Variants in ASTN1 observed in about 807,000 individuals in gnomAD.
The protein encoded by ASTN1 is astrotactin 1.
A neutral mutation model predicts 140.7 loss-of-function variants in ASTN1; 41 were observed. The observed-to-expected ratio is 0.29, with a 90% CI of 0.23 to 0.38. The LOEUF is 0.38. Ranked by LOEUF, ASTN1 falls within the 10% of genes least tolerant of loss-of-function variation. The pLI, the probability that ASTN1 is intolerant of heterozygous loss-of-function variation, is 1.00. For missense variants in ASTN1, 1,479 were observed against 1,678.8 expected (o/e 0.88, Z 2.08); for synonymous variants, 640 against 652.2 (o/e 0.98, Z 0.29).
At chr1:177,088,274 C>T (rs1398194778) in intron 1 of ASTN1, among the ~76,000 whole-genome samples, 2 of 152,164 alleles carry the variant, frequency 1.3e-5, no homozygotes, top group East Asian at 3.9e-4. Flanking sequence ...CCTCGGCTAC[C>T]TTGGTGAAGC....
intron 1 of ASTN1, among the ~76,000 whole-genome samples, chr1:177,081,754 G>T (rs1018594561): frequency 1.3e-5 from 2 of 152,138 alleles, no homozygotes; most frequent in South Asian, 2.1e-4. Flanking sequence ...CCCTGTTTAA[G>T]AGTTTGAACT....
At position 176,862,786 on chromosome 1, in the gene ASTN1, G is replaced by A. The variant is rs965798914; in HGVS notation, c.*1498C>T. The A allele has an allele frequency of 6.1e-6, 6 of 981,188 alleles. No homozygotes were observed. In the African/African-American group the frequency reaches 1.1e-4, roughly 17 times the overall value. 60.8% of individuals were successfully genotyped at this position (981,188 alleles called of 1,614,324 possible). ...ACCTAAAGTGCTTACATCAGCGCCT[G>A]GCATACAGCAAGCACTCAATAAATG... On this transcript the variant is annotated 3_prime_UTR_variant, in exon 23 of 23. Transcript: ENST00000361833.
intron 1 of ASTN1, among the ~76,000 whole-genome samples, chr1:177,076,103 C>G (rs1332261029): frequency 6.6e-6 from 1 of 151,638 alleles, no homozygotes; most frequent in Non-Finnish European, 1.5e-5. Context: ...CATGGTGAAA[C>G]CCCATCTCTA....
intron 17 of ASTN1, among the ~76,000 whole-genome samples, chr1:176,890,577 G>T (rs758815253): frequency 1.3e-5 from 2 of 152,150 alleles, no homozygotes; most frequent in Non-Finnish European, 2.9e-5. Flanking sequence ...TTTCAAGAGC[G>T]CTGGTAAGTA....
intron 8 of ASTN1, among the ~76,000 whole-genome samples, chr1:177,001,430 A>T (rs1234461471): frequency 6.6e-6 from 1 of 152,228 alleles, no homozygotes; most frequent in Non-Finnish European, 1.5e-5. Context: ...TTCATGTAAT[A>T]TTATTGAGCA....
chr1:176,863,613 T>C lies in ASTN1; in HGVS notation c.*671A>G. The C allele has an allele frequency of 2.0e-6, 2 of 985,542 alleles. No homozygotes were observed. Among genetic ancestry groups the C allele is most frequent in the Non-Finnish European group, 2.4e-6 (2 of 830,036 alleles). The allele number at this position is 985,542 out of a possible 1,614,324, so 61.0% of individuals were successfully genotyped here. The stretch of plus-strand genomic sequence containing the variant: ...AGAGATCTGACAGAGGGAGATTTAA[T>C]CCCAGTCCTGGCTTAAAATAAGGAA... On this transcript the variant is annotated 3_prime_UTR_variant, in exon 23 of 23. Coordinates refer to ENST00000361833, the MANE Select transcript of ASTN1 (RefSeq NM_004319.3).
chr1:177,162,044 A>C (rs2102269512), intron 1 of ASTN1, among the ~76,000 whole-genome samples: 1 of 152,290 alleles, frequency 6.6e-6, no homozygotes, highest in East Asian at 1.9e-4. Flanking sequence ...GAATTGACTG[A>C]TTCAGATTCC....
Position 177,084,877 on chromosome 1 carries a change from G to T in ASTN1, c.284-23612C>A, listed in dbSNP as rs187053947. Among the ~76,000 whole-genome samples the T allele has an allele frequency of 1.7e-4, 26 of 151,088 alleles. No homozygotes were observed. In the East Asian group the frequency reaches 4.9e-3, roughly 28 times the overall value. The stretch of plus-strand genomic sequence containing the variant: ...TTGTGAATTTGTTTTTTCTCTTCAT[G>T]TTCCCATTCACTTCTTAACCCACTG... On this transcript the variant is annotated intron_variant, in intron 1 of 22. Transcript: ENST00000361833.
intron 1 of ASTN1, among the ~76,000 whole-genome samples, chr1:177,076,160 T>A (rs1275381545): frequency 6.6e-6 from 1 of 151,050 alleles, no homozygotes; most frequent in Non-Finnish European, 1.5e-5. Context: ...GAGCCTGTAG[T>A]CCCAGCTACT....
At position 176,978,960 on chromosome 1, in the gene ASTN1, A is replaced by T. The variant is rs1236888228; in HGVS notation, c.1524-13723T>A. Among the ~76,000 whole-genome samples the T allele has an allele frequency of 2.0e-5, 3 of 152,332 alleles. No individual in the cohort carries two copies. The South Asian group carries it at 6.2e-4, about 32-fold the overall frequency. Reference sequence around the variant, plus strand: ...TTTGTTCAGAAAATATGCATTCAGCAGCTGGCATGGCCAAGCTCTGTACTC... The same window carrying T: ...TTTGTTCAGAAAATATGCATTCAGCTGCTGGCATGGCCAAGCTCTGTACTC... On this transcript the variant is annotated intron_variant, in intron 8 of 22. Coordinates refer to ENST00000361833, the MANE Select transcript of ASTN1 (RefSeq NM_004319.3).
chr1:177,052,847 A>G (rs115441577), intron 2 of ASTN1, among the ~76,000 whole-genome samples: 2,269 of 152,328 alleles, frequency 0.015, 26 homozygotes, highest in Non-Finnish European at 0.022. Context: ...GTCCAACTCT[A>G]ATACCACCAA....
intron 11 of ASTN1, among the ~76,000 whole-genome samples, chr1:176,951,921 C>T (rs946554262): frequency 2.0e-5 from 3 of 152,188 alleles, no homozygotes; most frequent in African/African-American, 4.8e-5. Flanking sequence ...TACATTTCAT[C>T]TTCTACAATT....
intron 1 of ASTN1, among the ~76,000 whole-genome samples, chr1:177,078,102 CA>C (rs1679003985): frequency 6.6e-6 from 1 of 152,106 alleles, no homozygotes; most frequent in Non-Finnish European, 1.5e-5. Flanking sequence ...AGAGAAAAAA[CA>C]TGTGGCATAG....
intron 5 of ASTN1, among the ~76,000 whole-genome samples, chr1:177,027,634 A>G (rs1676186834): frequency 6.7e-6 from 1 of 148,858 alleles, no homozygotes. Context: ...TTGTCCCTTC[A>G]AGGCTTTTTA....
chr1:176,932,199 G>A (rs1193576360), intron 16 of ASTN1, among the ~76,000 whole-genome samples: 1 of 152,166 alleles, frequency 6.6e-6, no homozygotes, highest in African/African-American at 2.4e-5. Context: ...GGGTTTTCAA[G>A]TCAGAGTAGG....
chr1:177,139,057 G>A (rs562065428), intron 1 of ASTN1, among the ~76,000 whole-genome samples: 1 of 152,272 alleles, frequency 6.6e-6, no homozygotes, highest in South Asian at 2.1e-4. Flanking sequence ...GTTAACAACA[G>A]AGCTCAGGAT....
chr1:177,069,847 A>G (rs1232843059), intron 1 of ASTN1, among the ~76,000 whole-genome samples: 2 of 151,646 alleles, frequency 1.3e-5, no homozygotes, highest in Non-Finnish European at 2.9e-5. Context: ...TTAAAGTCTC[A>G]TTTGAAAGGA....
At chr1:177,017,696 C>T (rs1675628460) in intron 7 of ASTN1, among the ~76,000 whole-genome samples, 4 of 152,162 alleles carry the variant, frequency 2.6e-5, no homozygotes, top group Admixed American at 2.6e-4. Flanking sequence ...CCCAGCCAGA[C>T]AGAGTGTGCC....
chr1:176,921,853 G>C (rs1670737747), intron 16 of ASTN1, among the ~76,000 whole-genome samples: 1 of 152,166 alleles, frequency 6.6e-6, no homozygotes. Context: ...CTGGTGCCAG[G>C]AGGTTGCAGG....
Sources: gnomAD v4.1 joint callset for allele counts (sites outside exome capture counted in the v4.1 genomes callset) on GRCh38, gnomAD v4.1.1 for gene constraint, MANE v1.5 for transcripts, NCBI Gene and HGNC (gene_info 2026-07-23, HGNC 2026-07-21) for gene names.